GABRG3: variants seen among roughly 807,000 people sequenced by gnomAD.
GABRG3 encodes gamma-aminobutyric acid receptor subunit gamma-3.
Under a neutral mutation model 48.8 loss-of-function variants are expected in GABRG3, and 25 were observed. The ratio of observed to expected loss-of-function variants is 0.51; its 90% CI spans 0.37 to 0.72. The LOEUF is 0.72. GABRG3 is among the 30% of genes least tolerant of loss of function. GABRG3 has a pLI of 0.00. For missense variants in GABRG3, 394 were observed against 577.9 expected (o/e 0.68, Z 3.26); for synonymous variants, 227 against 217.6 (o/e 1.04, Z -0.38).
At chr15:27,282,992 A>G (rs1891488434) in intron 3 of GABRG3, among the ~76,000 whole-genome samples, 1 of 152,164 alleles carries the variant, frequency 6.6e-6, no homozygotes, top group Non-Finnish European at 1.5e-5. Context: ...AAGTCCTGCT[A>G]TTCTCAAGTA....
At chr15:27,527,337 A>C in intron 7 of GABRG3, 96 bp from the exon 8 acceptor site, 1 of 1,085,992 alleles carries the variant, frequency 9.2e-7, no homozygotes, top group Non-Finnish European at 1.4e-6. Flanking sequence ...GATTCCTGTA[A>C]GGCAGCCGTG....
At chr15:27,235,123 C>T (rs1391731178) in intron 3 of GABRG3, among the ~76,000 whole-genome samples, 1 of 152,048 alleles carries the variant, frequency 6.6e-6, no homozygotes, top group East Asian at 1.9e-4. Context: ...CTGGAATCTC[C>T]AGATGTCCTA....
At chr15:27,144,250 A>T (rs1238608249) in intron 3 of GABRG3, among the ~76,000 whole-genome samples, 2 of 151,502 alleles carry the variant, frequency 1.3e-5, no homozygotes, top group Non-Finnish European at 2.9e-5. Context: ...CTTCACTTTC[A>T]TGACCCCCTC....
chr15:27,071,303 C>A (rs952652897), intron 3 of GABRG3, among the ~76,000 whole-genome samples: 11 of 152,308 alleles, frequency 7.2e-5, no homozygotes, highest in African/African-American at 2.6e-4. Context: ...TGCCACCCTA[C>A]CCCCTTCTCC....
At chr15:27,468,431 G>A (rs1243430575) in intron 5 of GABRG3, among the ~76,000 whole-genome samples, 1 of 152,212 alleles carries the variant, frequency 6.6e-6, no homozygotes, top group African/African-American at 2.4e-5. Flanking sequence ...GTGGTTTACT[G>A]TGTTAATGAG....
chr15:27,541,341 A>G lies in GABRG3; in HGVS notation c.*8460A>G, dbSNP rs59208473. The G allele has an allele frequency of 0.056, 8,551 of 152,482 alleles. 801 individuals carry two copies. Among genetic ancestry groups the G allele is most frequent in the African/African-American group, 0.19 (8,042 of 41,510 alleles). The allele number at this position is 152,482 out of a possible 1,614,324, so 9.4% of individuals were successfully genotyped here. A position where few individuals can be genotyped will look rare whatever the true frequency, so the allele number is the denominator to read the frequency against. On this transcript the variant is annotated 3_prime_UTR_variant, in exon 10 of 10. Transcript: ENST00000615808. ...GCAGGTCACAGGAAGGCGTCAGGTC[A>G]GGCTTGAAGCAGCCGGGGTGTGGGC...
chr15:27,458,712 G>A (rs1314123541), intron 5 of GABRG3, among the ~76,000 whole-genome samples: 1 of 152,074 alleles, frequency 6.6e-6, no homozygotes, highest in East Asian at 1.9e-4. Context: ...TAACCAAAAG[G>A]AGAAAAATCC....
At chr15:27,467,344 G>A (rs146322939) in intron 5 of GABRG3, among the ~76,000 whole-genome samples, 128 of 151,690 alleles carry the variant, frequency 8.4e-4, no homozygotes, top group African/African-American at 3.0e-3. Flanking sequence ...ATGAATTTGT[G>A]GGGGGGACAC....
Position 27,038,309 on chromosome 15 carries a change from G to T in GABRG3, c.270+11488G>T, listed in dbSNP as rs572254836. On this transcript the variant is annotated intron_variant, in intron 3 of 9. Coordinates refer to ENST00000615808, the MANE Select transcript of GABRG3 (RefSeq NM_033223.5). ...TACTTTCTGTGTGTCGTCACATGGTGCAGGGGACATAAATGTGAAGGACGA... is the reference window on the plus strand; with the variant it reads ...TACTTTCTGTGTGTCGTCACATGGTTCAGGGGACATAAATGTGAAGGACGA... Among the ~76,000 whole-genome samples the T allele has an allele frequency of 1.8e-4, 27 of 152,336 alleles. 1 individual carries two copies. In the East Asian group the frequency reaches 4.4e-3, roughly 25 times the overall value.
chr15:27,463,838 T>C (rs1282156832), intron 5 of GABRG3, among the ~76,000 whole-genome samples: 1 of 152,150 alleles, frequency 6.6e-6, no homozygotes, highest in Non-Finnish European at 1.5e-5. Flanking sequence ...AGCTAGATGT[T>C]CACTACATCA....
At chr15:27,467,240 G>T (rs371727579) in intron 5 of GABRG3, among the ~76,000 whole-genome samples, 4 of 152,092 alleles carry the variant, frequency 2.6e-5, no homozygotes, top group Non-Finnish European at 4.4e-5. Flanking sequence ...TATTATAATG[G>T]CACTAATCCC....
chr15:27,339,522 G>A (rs1894092528), intron 5 of GABRG3, among the ~76,000 whole-genome samples: 1 of 152,198 alleles, frequency 6.6e-6, no homozygotes, highest in African/African-American at 2.4e-5. Flanking sequence ...TCCCGTTACT[G>A]TAGACTTGCA....
chr15:27,530,119 G>C (rs1258202297), intron 9 of GABRG3, among the ~76,000 whole-genome samples: 1 of 151,862 alleles, frequency 6.6e-6, no homozygotes, highest in Non-Finnish European at 1.5e-5. Flanking sequence ...GAAATTGGCA[G>C]CCTCTGAGTA....
rs1887848955 is a variant in GABRG3, at chr15:27,179,317, C to T, written c.271-147492C>T. ...AGCTGTAACAATTTCCCACATGTGG[C>T]CAATGCACTTTATCATATGTGTCCG... On this transcript the variant is annotated intron_variant, in intron 3 of 9. Transcript: ENST00000615808. The surrounding 1 kb of genome is among the most constrained non-coding windows in gnomAD (Gnocchi z 4.0). 1.3e-5 allele frequency among the ~76,000 whole-genome samples: 2 copies of T among 152,188 alleles called. No individual in the cohort carries two copies. Among genetic ancestry groups the T allele is most frequent in the South Asian group, 4.1e-4 (2 of 4,826 alleles).
intron 2 of GABRG3, among the ~76,000 whole-genome samples, chr15:26,993,287 G>A (rs1015033939): frequency 2.6e-5 from 4 of 151,934 alleles, no homozygotes; most frequent in African/African-American, 9.7e-5. Context: ...GTTCTTTAGA[G>A]ATACATCACT....
At chr15:27,355,042 T>A (rs1175637479) in intron 5 of GABRG3, among the ~76,000 whole-genome samples, 1 of 152,148 alleles carries the variant, frequency 6.6e-6, no homozygotes, top group East Asian at 1.9e-4. Context: ...AAAACTCAGT[T>A]GTGTGGTGCC....
chr15:27,172,407 C>T (rs778324628), intron 3 of GABRG3, among the ~76,000 whole-genome samples: 2 of 152,090 alleles, frequency 1.3e-5, no homozygotes, highest in Admixed American at 6.5e-5. Flanking sequence ...CTGGGCTCTA[C>T]GCTGACCCCA....
At chr15:27,479,590 A>C (rs1023150849) in intron 5 of GABRG3, among the ~76,000 whole-genome samples, 1 of 152,256 alleles carries the variant, frequency 6.6e-6, no homozygotes, top group Admixed American at 6.5e-5. Flanking sequence ...CAACCACTTT[A>C]TTAATATGTT....
At position 27,307,005 on chromosome 15, in the gene GABRG3, T is replaced by TA. The variant is rs201237093; in HGVS notation, c.271-19804_271-19803insA. 2.0e-4 allele frequency among the ~76,000 whole-genome samples: 20 copies of TA among 102,392 alleles called. 1 individual carries two copies. Among genetic ancestry groups the TA allele is most frequent in the African/African-American group, 9.5e-4 (17 of 17,852 alleles). The allele number at this position is 102,392 out of a possible 152,430, so 67.2% of individuals were successfully genotyped here. On this transcript the variant is annotated intron_variant, in intron 3 of 9. Coordinates refer to ENST00000615808, the MANE Select transcript of GABRG3 (RefSeq NM_033223.5). ...ATATAAACATGTTTATATATAAACA[T>TA]GTATAAACATGTTTATATATAAACA...
Sources: gnomAD v4.1 joint callset for allele counts (sites outside exome capture counted in the v4.1 genomes callset) on GRCh38, gnomAD v4.1.1 for gene constraint, Gnocchi (gnomAD v3.1) non-coding constraint, MANE v1.5 for transcripts, NCBI Gene and HGNC (gene_info 2026-07-23, HGNC 2026-07-21) for gene names.